Variants in SCN7A observed in about 807,000 individuals in gnomAD.
The protein encoded by SCN7A is sodium voltage-gated channel alpha subunit 7.
In SCN7A, 138 loss-of-function variants were observed where a neutral mutation model predicts 155.2. The ratio of observed to expected loss-of-function variants is 0.89; its 90% confidence interval spans 0.77 to 1.02. The LOEUF (loss-of-function observed/expected upper bound fraction) is 1.02. SCN7A is among the 50% of genes least tolerant of loss of function. The pLI, the probability that SCN7A is intolerant of heterozygous loss-of-function variation, is 0.00. For missense variants in SCN7A, 2,058 were observed against 1,986.6 expected, an observed-to-expected ratio of 1.04 and a Z score of -0.68; for synonymous variants, 693 against 649.0, an observed-to-expected ratio of 1.07 and a Z score of -1.03.
At position 166,412,624 on chromosome 2, in the gene SCN7A, C is replaced by T; in HGVS notation, c.3512G>A (p.Cys1171Tyr). Residue 1171 changes from cysteine (C) to tyrosine (Y), a missense_variant, in exon 23 of 26, where the codon TGT (cysteine) becomes TAT (tyrosine). Physicochemically the swap from Cys to Tyr is radical, Grantham distance 194. Transcript: ENST00000643258. Reference sequence around the variant, plus strand: ...AAATATAATAAAGTTGATAAAGTAACAATACATGTAGATGTTGACTTCAAA... The same window carrying T: ...AAATATAATAAAGTTGATAAAGTAATAATACATGTAGATGTTGACTTCAAA... ...PHFEVNIYMY[C>Y]YFINFIIFGV... 6 of 1,520,724 alleles carry T rather than the reference C, an allele frequency of 3.9e-6. No homozygotes were observed. The highest frequency in any genetic ancestry group is 4.4e-6 in the Non-Finnish European group (5 of 1,136,092). The allele number at this position is 1,520,724 out of a possible 1,614,324, so 94.2% of individuals were successfully genotyped here.
chr2:166,461,530 T>C (rs891967653), intron 10 of SCN7A, among the ~76,000 whole-genome samples: 10 of 152,138 alleles, frequency 6.6e-5, no homozygotes, highest in African/African-American at 2.4e-4. Flanking sequence ...GGTTGAATAT[T>C]GAACTGGATA....
chr2:166,465,917 C>CA lies in SCN7A; in HGVS notation c.734dup (p.Phe246ValfsTer21). On this transcript the variant is annotated frameshift_variant, in exon 8 of 26. Coordinates refer to ENST00000643258, the MANE Select transcript of SCN7A (RefSeq NM_002976.4). LOFTEE classifies it high-confidence loss of function. ...TTAGAGAAAATATGCTCAGAAAAAA[C>CA]AGAGTTAGGATAATGACACCAATAA... 6.2e-7 allele frequency: 1 copy of CA among 1,613,732 alleles called. No individual in the cohort carries two copies. Among genetic ancestry groups the CA allele is most frequent in the Non-Finnish European group, 8.5e-7 (1 of 1,179,816 alleles).
rs1575013138 is a variant in SCN7A at position 166,423,289 on chromosome 2, G to A, written c.2997C>T (p.Gly999=). 1.9e-6 allele frequency: 3 copies of A among 1,609,480 alleles called. No individual in the cohort carries two copies. The East Asian group carries it at 6.7e-5, about 36-fold the overall frequency. The change falls in exon 19 of 26, where the codon GGC becomes GGT. Residue 999 remains glycine (G), a synonymous_variant. Transcript: ENST00000643258. ...AYGFKAYFSN[G]WYRLDFVVVI... is the part of the protein sequence containing the mutation. ...CAACCACGAAGTCCAGCCTGTACCA[G>A]CCATTAGAGAAATAGGCCTTAAAAC...
chr2:166,422,024 A>T (rs925216326), intron 19 of SCN7A, among the ~76,000 whole-genome samples: 1 of 152,126 alleles, frequency 6.6e-6, no homozygotes, highest in Admixed American at 6.6e-5. Flanking sequence ...TATTATTTTC[A>T]TAAGCATGAA....
intron 14 of SCN7A, among the ~76,000 whole-genome samples, chr2:166,442,973 C>A (rs1282168445): frequency 1.3e-5 from 2 of 152,150 alleles, no homozygotes; most frequent in African/African-American, 4.8e-5. Context: ...CAGAATGTGA[C>A]CATGTATAAC....
In SCN7A at chr2:166,416,793, G is replaced by A; in HGVS notation, c.3328C>T (p.Leu1110Phe). 1 of 1,613,468 alleles carries A rather than the reference G, an allele frequency of 6.2e-7. No individual in the cohort carries two copies. The highest frequency in any genetic ancestry group is 2.2e-5 in the East Asian group (1 of 44,798). ...CATAGCATGGATTCGTTAAACAGAA[G>A]GCTTTCACACCGACTCTTATTCATG... ...EVMNKSRCES[L>F]LFNESMLWEN... The change falls in exon 21 of 26, where the codon CTT becomes TTT. Residue 1110 changes from leucine (L) to phenylalanine (F), a missense_variant. By Grantham distance (22) the Leu-to-Phe change is conservative. Coordinates refer to ENST00000643258, the MANE Select transcript of SCN7A (RefSeq NM_002976.4).
chr2:166,414,187 A>AAAT (rs1553513691), intron 21 of SCN7A, among the ~76,000 whole-genome samples: 546 of 21,964 alleles, frequency 0.025, 36 homozygotes, highest in Non-Finnish European at 0.041. Flanking sequence ...AAATATATAT[A>AAAT]ATATATAATA....
At chr2:166,414,057 TAAA>T (rs1209332484) in intron 21 of SCN7A, among the ~76,000 whole-genome samples, 1 of 84,232 alleles carries the variant, frequency 1.2e-5, no homozygotes, top group African/African-American at 4.3e-5. Flanking sequence ...TGTAAATATA[TAAA>T]AATATATTAT....
At position 166,470,693 on chromosome 2, in the gene SCN7A, A is replaced by T; in HGVS notation, c.586T>A (p.Tyr196Asn). The T allele has an allele frequency of 6.2e-7, 1 of 1,607,780 alleles. No individual in the cohort carries two copies. Among genetic ancestry groups the T allele is most frequent in the Non-Finnish European group, 8.5e-7 (1 of 1,176,180 alleles). Residue 196 changes from tyrosine to asparagine, a missense_variant, in exon 7 of 26, where the codon TAC (tyrosine) becomes AAC (asparagine). Transcript: ENST00000643258. ...GTTGGAATGAAGTCCAGAGGTGAGT[A>T]TCTTATAATAACCCTGTGGAATTAA... is the stretch of plus-strand genomic sequence containing the variant. ...SVTVFEVIIR[Y>N]SPLDFIPTLQ...
chr2:166,443,734 T>A (rs1702006663), intron 13 of SCN7A, 58 bp from the exon 14 acceptor site: 2 of 1,260,454 alleles, frequency 1.6e-6, no homozygotes. Flanking sequence ...TATCAGAATC[T>A]TCACACACAA....
At chr2:166,463,614 C>G (rs1272877415) in intron 9 of SCN7A, among the ~76,000 whole-genome samples, 1 of 152,032 alleles carries the variant, frequency 6.6e-6, no homozygotes, top group African/African-American at 2.4e-5. Flanking sequence ...AAAATATAGC[C>G]AAAATGTATT....
chr2:166,473,848 A>C lies in SCN7A; in HGVS notation c.394T>G (p.Cys132Gly). The change falls in exon 5 of 26, where the codon TGC (cysteine) becomes GGC (glycine). Residue 132 changes from cysteine (C) to glycine (G), a missense_variant. Coordinates refer to ENST00000643258, the MANE Select transcript of SCN7A (RefSeq NM_002976.4). ...AAATTAGTCAGGGACATGAATACGC[A>C]ATCAATCAGGACACTAATTAGAATA... ...LFILISVLID[C>G]VFMSLTNLPK... The C allele has an allele frequency of 1.3e-6, 2 of 1,565,918 alleles. No individual in the cohort carries two copies. The highest frequency in any genetic ancestry group is 1.2e-5 in the South Asian group (1 of 83,494).
intron 15 of SCN7A, among the ~76,000 whole-genome samples, chr2:166,433,500 T>G (rs1471147918): frequency 6.6e-6 from 1 of 152,112 alleles, no homozygotes; most frequent in Non-Finnish European, 1.5e-5. Context: ...TGCAATATGA[T>G]TTGTTTCTCT....
intron 10 of SCN7A, among the ~76,000 whole-genome samples, chr2:166,457,398 A>G (rs1015404033): frequency 1.3e-5 from 2 of 152,252 alleles, no homozygotes; most frequent in Admixed American, 1.3e-4. Context: ...ATCTCTTGAT[A>G]TAGAAACTGG....
intron 15 of SCN7A, 147 bp from the exon 16 acceptor site, chr2:166,432,899 G>C (rs1414603862): frequency 3.3e-6 from 2 of 597,218 alleles, no homozygotes. Flanking sequence ...ATTAATAACT[G>C]TAGTCACCAT....
chr2:166,432,594 AT>A lies in SCN7A; in HGVS notation c.2315del (p.Asn772MetfsTer10), dbSNP rs1701756413. The A allele has an allele frequency of 6.2e-7, 1 of 1,613,144 alleles. No individual in the cohort carries two copies. Among genetic ancestry groups the A allele is most frequent in the Non-Finnish European group, 8.5e-7 (1 of 1,179,576 alleles). On this transcript the variant is annotated frameshift_variant, in exon 16 of 26. Transcript: ENST00000643258. LOFTEE classifies it high-confidence loss of function. ...VLLKILCKTQ[N>X]VPKDTMDHVN... ...CATGGTCCATTGTGTCCTTTGGGAC[AT>A]TTTGTGTTTTGCATAGTATTTTAAG...
chr2:166,408,395 C>G (rs1392781988), intron 25 of SCN7A, among the ~76,000 whole-genome samples: 1 of 151,980 alleles, frequency 6.6e-6, no homozygotes, highest in Non-Finnish European at 1.5e-5. Flanking sequence ...AGTTATTACA[C>G]TCTCTTCCAT....
Position 166,409,758 on chromosome 2 carries a change from C to T in SCN7A, c.3889G>A (p.Glu1297Lys), listed in dbSNP as rs1387529936. ...NSIFVMLYTMECILKLIAFRC... is the reference protein window; with the variant it reads ...NSIFVMLYTMKCILKLIAFRC... ...AAAGCGATGAGCTTCAGTATACATT[C>T]CATAGTATATAGCATAACAAAAATT... The change falls in exon 25 of 26, where the codon GAA becomes AAA. Residue 1297 changes from glutamate (E) to lysine (K), a missense_variant. Physicochemically the swap from Glu to Lys is moderately conservative, Grantham distance 56. Transcript: ENST00000643258. 1.9e-6 allele frequency: 3 copies of T among 1,560,264 alleles called. No individual in the cohort carries two copies. The highest frequency in any genetic ancestry group is 2.6e-6 in the Non-Finnish European group (3 of 1,150,540).
chr2:166,464,105 G>A (rs1354156377), intron 9 of SCN7A, among the ~76,000 whole-genome samples: 1 of 150,688 alleles, frequency 6.6e-6, no homozygotes, highest in African/African-American at 2.4e-5. Flanking sequence ...ATATATATAC[G>A]ACATACATAT....
Sources: allele counts gnomAD v4.1 joint callset (sites outside exome capture counted in the v4.1 genomes callset), GRCh38; gene constraint gnomAD v4.1.1; transcripts MANE v1.5; gene names NCBI Gene and HGNC (gene_info 2026-07-23, HGNC 2026-07-21).